Variants in KRABD5 observed in about 807,000 individuals in gnomAD.
KRABD5 encodes KRAB domain-containing protein 5.
the KRABD5 span, among the ~76,000 whole-genome samples, chr16:31,741,516 A>G: frequency 6.6e-6 from 1 of 152,104 alleles, no homozygotes; most frequent in African/African-American, 2.4e-5. Context: ...TGGTGTAAAT[A>G]GTATCTCAGT....
At chr16:31,760,409 C>A in the KRABD5 span, 61 of 72,308 alleles carry the variant, frequency 8.4e-4, 1 homozygote, top group African/African-American at 3.2e-3. Flanking sequence ...ACAATACTGA[C>A]GTCTGGGCCC....
chr16:31,743,783 C>T, the KRABD5 span, among the ~76,000 whole-genome samples: 1 of 152,078 alleles, frequency 6.6e-6, no homozygotes, highest in African/African-American at 2.4e-5. Context: ...TTGCTTGTGT[C>T]CTCTCTTATT....
chr16:31,745,342 A>G, the KRABD5 span, among the ~76,000 whole-genome samples: 1 of 152,194 alleles, frequency 6.6e-6, no homozygotes, highest in Non-Finnish European at 1.5e-5. Flanking sequence ...TTGGTGTCAA[A>G]GAACTTCTTG....
the KRABD5 span, among the ~76,000 whole-genome samples, chr16:31,721,321 T>A: frequency 6.6e-6 from 1 of 152,160 alleles, no homozygotes; most frequent in Non-Finnish European, 1.5e-5. Flanking sequence ...TTGATCAGTT[T>A]TGTGTTGCTG....
chr16:31,713,296 A>T, the KRABD5 span: 1 of 1,238,082 alleles, frequency 8.1e-7, no homozygotes, highest in South Asian at 1.3e-5. Context: ...TCTCTTCACC[A>T]GGGGCTCCCA....
the KRABD5 span, chr16:31,714,498 G>T: frequency 2.2e-6 from 1 of 448,364 alleles, no homozygotes; most frequent in Non-Finnish European, 4.5e-6. Context: ...CCTGGGGTAG[G>T]TTTTAGAGCT....
chr16:31,730,210 T>C, the KRABD5 span, among the ~76,000 whole-genome samples: 3 of 131,036 alleles, frequency 2.3e-5, no homozygotes, highest in African/African-American at 9.3e-5. Context: ...ACAGGTCTAG[T>C]GGTGATGAAT....
chr16:31,740,632 A>ATTT, the KRABD5 span, among the ~76,000 whole-genome samples: 21 of 146,678 alleles, frequency 1.4e-4, no homozygotes, highest in Admixed American at 6.1e-4. Context: ...TGCGTCTAAG[A>ATTT]TTTTTTTTTT....
At chr16:31,759,600 A>G in the KRABD5 span, 1 of 550,066 alleles carries the variant, frequency 1.8e-6, no homozygotes, top group South Asian at 1.9e-5. Flanking sequence ...GTTGAAGTAT[A>G]GATGAAGCAG....
the KRABD5 span, among the ~76,000 whole-genome samples, chr16:31,733,353 A>G: frequency 6.6e-6 from 1 of 151,936 alleles, no homozygotes; most frequent in Non-Finnish European, 1.5e-5. Context: ...TTTGAAGGTG[A>G]TTTTTGAAAC....
At chr16:31,756,332 AAG>A in the KRABD5 span, 1 of 152,138 alleles carries the variant, frequency 6.6e-6, no homozygotes, top group Admixed American at 6.5e-5. Flanking sequence ...ACTAAAGTAA[AAG>A]AGGAATATTC....
At chr16:31,714,992 G>T in the KRABD5 span, among the ~76,000 whole-genome samples, 3 of 152,182 alleles carry the variant, frequency 2.0e-5, no homozygotes, top group African/African-American at 7.2e-5. Flanking sequence ...CACAGTTGAA[G>T]CAGAAAAGGC....
chr16:31,713,660 G>A, the KRABD5 span, among the ~76,000 whole-genome samples: 1 of 152,214 alleles, frequency 6.6e-6, no homozygotes, highest in Non-Finnish European at 1.5e-5. Flanking sequence ...GGCCGGAGCC[G>A]TCTTTGGGTC....
the KRABD5 span, among the ~76,000 whole-genome samples, chr16:31,731,212 C>G: frequency 8.5e-5 from 13 of 152,242 alleles, no homozygotes; most frequent in Non-Finnish European, 1.5e-5. Flanking sequence ...CTTTCAGATC[C>G]TGAGCTGATG....
chr16:31,722,740 C>G, the KRABD5 span: 2 of 1,603,874 alleles, frequency 1.2e-6, no homozygotes, highest in South Asian at 1.1e-5. Context: ...CTACGGAAAC[C>G]TGGTCTCTCT....
At chr16:31,748,422 G>T in the KRABD5 span, among the ~76,000 whole-genome samples, 9 of 152,318 alleles carry the variant, frequency 5.9e-5, no homozygotes, top group Admixed American at 3.9e-4. Flanking sequence ...GTCAGGTAGC[G>T]TGATGCCTCC....
chr16:31,754,031 T>A, the KRABD5 span: 2 of 1,127,114 alleles, frequency 1.8e-6, no homozygotes, highest in Non-Finnish European at 2.6e-6. Flanking sequence ...TTGCTTTTTC[T>A]AAACCATGTG....
At chr16:31,722,364 G>A in the KRABD5 span, among the ~76,000 whole-genome samples, 694 of 152,288 alleles carry the variant, frequency 4.6e-3, 5 homozygotes, top group African/African-American at 0.016. Flanking sequence ...ACCGCGCCCG[G>A]CCTCGATGCC....
the KRABD5 span, among the ~76,000 whole-genome samples, chr16:31,735,983 T>C: frequency 1.3e-5 from 2 of 152,216 alleles, no homozygotes; most frequent in Non-Finnish European, 1.5e-5. Context: ...CCAAGTCCGA[T>C]GTTGTAAAGT....
Sources: gnomAD v4.1 joint callset for allele counts (sites outside exome capture counted in the v4.1 genomes callset) on GRCh38, gnomAD v4.1.1 for gene constraint, MANE v1.5 for transcripts, NCBI Gene and HGNC (gene_info 2026-07-23, HGNC 2026-07-21) for gene names.